The following HPSE2 variants were observed in gnomAD, a reference collection of about 807,000 sequenced individuals.
The protein encoded by HPSE2 is heparanase 2 (inactive), also known as inactive heparanase-2.
In HPSE2, 38 loss-of-function variants were observed where a neutral mutation model predicts 60.5. That is an observed-to-expected ratio of 0.63 (90% CI 0.48 to 0.82). HPSE2 has a LOEUF of 0.82. Among genes scored for constraint, HPSE2 ranks in the 40% least tolerant of loss-of-function variants. The pLI, the probability that HPSE2 is intolerant of heterozygous loss-of-function variation, is 0.00. For synonymous variants in HPSE2, 295 were observed against 293.2 expected, an observed-to-expected ratio of 1.01 and a Z score of -0.06; for missense variants, 713 against 740.4, an observed-to-expected ratio of 0.96 and a Z score of 0.43.
At chr10:98,514,715 T>G (rs190457826) in intron 9 of HPSE2, among the ~76,000 whole-genome samples, 380 of 15,524 alleles carry the variant, frequency 0.024, no homozygotes, top group Admixed American at 0.066. Context: ...TACTTTGTTT[T>G]TTTTTTTTTT....
intron 3 of HPSE2, among the ~76,000 whole-genome samples, chr10:98,749,066 T>G (rs1336501): frequency 0.15 from 22,138 of 151,850 alleles, 1,944 homozygotes; most frequent in Admixed American, 0.23. Context: ...AACCAGATTG[T>G]TTTTTTTAAA....
chr10:99,088,657 A>T (rs564138016), intron 3 of HPSE2, among the ~76,000 whole-genome samples: 1 of 152,232 alleles, frequency 6.6e-6, no homozygotes, highest in Non-Finnish European at 1.5e-5. Flanking sequence ...TTGCACTGCT[A>T]TAAACATGCA....
In HPSE2 at chr10:98,610,173, A is replaced by G. The variant is rs149527178; in HGVS notation, c.1320+4731T>C. Among the ~76,000 whole-genome samples the G allele has an allele frequency of 8.6e-4, 131 of 152,150 alleles. No individual in the cohort carries two copies. In the South Asian group the frequency reaches 0.012, roughly 14 times the overall value. Reference sequence around the variant, plus strand: ...GTGTTCTTGTATCAATCCAGCATCAATGGAACATGGGTTTGTAACTGGGTG... The same window carrying G: ...GTGTTCTTGTATCAATCCAGCATCAGTGGAACATGGGTTTGTAACTGGGTG... On this transcript the variant is annotated intron_variant, in intron 9 of 11. Transcript: ENST00000370552.
intron 3 of HPSE2, among the ~76,000 whole-genome samples, chr10:98,840,053 C>T (rs911138522): frequency 9.2e-5 from 14 of 152,272 alleles, no homozygotes; most frequent in Middle Eastern, 3.4e-3. Flanking sequence ...TAGAGAAATT[C>T]AGTGACTTGT....
Position 98,795,501 on chromosome 10 carries a change from C to G in HPSE2, c.611-51445G>C, listed in dbSNP as rs185992434. Among the ~76,000 whole-genome samples, 411 of 152,354 alleles carry G rather than the reference C, an allele frequency of 2.7e-3. 3 individuals carry two copies. Among genetic ancestry groups the G allele is most frequent in the South Asian group, 6.2e-4 (3 of 4,828 alleles). On this transcript the variant is annotated intron_variant, in intron 3 of 11. Coordinates refer to ENST00000370552, the MANE Select transcript of HPSE2 (RefSeq NM_021828.5). ...TGGACCAGACTAGCCAGAGGGAAAT[C>G]ACCTATCCTAGCAGTCAGAGCTTGA...
intron 3 of HPSE2, among the ~76,000 whole-genome samples, chr10:98,937,839 C>A (rs1274246375): frequency 7.0e-6 from 1 of 143,144 alleles, no homozygotes; most frequent in African/African-American, 2.9e-5. Flanking sequence ...AGGCACCCCC[C>A]AGTAGGGGCA....
At chr10:98,576,573 G>A (rs1417239073) in intron 9 of HPSE2, among the ~76,000 whole-genome samples, 1 of 152,056 alleles carries the variant, frequency 6.6e-6, no homozygotes, top group Non-Finnish European at 1.5e-5. Context: ...GGAGAGAAGA[G>A]GAAGCTCTGC....
At chr10:99,095,193 AAAAAAAAAAG>A (rs1843677757) in intron 3 of HPSE2, among the ~76,000 whole-genome samples, 1 of 148,884 alleles carries the variant, frequency 6.7e-6, no homozygotes, top group African/African-American at 2.5e-5. Context: ...CTTTTGGAAG[AAAAAAAAAAG>A]AAAAGAAAAG....
intron 3 of HPSE2, among the ~76,000 whole-genome samples, chr10:99,015,362 T>C (rs1438455488): frequency 6.6e-6 from 1 of 152,196 alleles, no homozygotes; most frequent in Non-Finnish European, 1.5e-5. Flanking sequence ...TAAAGACACA[T>C]GCACACGTAT....
chr10:99,021,278 T>C lies in HPSE2; in HGVS notation c.610+122960A>G, dbSNP rs546213685. Among the ~76,000 whole-genome samples, 10 of 152,284 alleles carry C rather than the reference T, an allele frequency of 6.6e-5. 1 individual carries two copies. In the South Asian group the frequency reaches 2.1e-3, roughly 32 times the overall value. ...AGCACTTAGTATGTAAGAGATACTA[T>C]GTGAAGGGTGTGAATGCATTATTAA... is the stretch of plus-strand genomic sequence containing the variant. On this transcript the variant is annotated intron_variant, in intron 3 of 11. Transcript: ENST00000370552.
intron 11 of HPSE2, among the ~76,000 whole-genome samples, chr10:98,466,024 C>G (rs182749098): frequency 6.6e-6 from 1 of 152,176 alleles, no homozygotes; most frequent in Admixed American, 6.5e-5. Context: ...CCTGGTCACT[C>G]CCCCGCTACC....
At chr10:98,913,419 T>C (rs1227859746) in intron 3 of HPSE2, among the ~76,000 whole-genome samples, 2 of 152,228 alleles carry the variant, frequency 1.3e-5, no homozygotes, top group African/African-American at 4.8e-5. Context: ...AAATCACTTA[T>C]AAACTATTTT....
chr10:98,482,654 T>C lies in HPSE2; in HGVS notation c.1595A>G (p.Gln532Arg). The change falls in exon 11 of 12, where the codon CAG (glutamine) becomes CGG (arginine). Residue 532 changes from glutamine to arginine, a missense_variant. Gln to Arg is a conservative substitution (Grantham distance 43). Coordinates refer to ENST00000370552, the MANE Select transcript of HPSE2 (RefSeq NM_021828.5). Reference sequence around the variant, plus strand: ...CACGTACTTGGACTTTAGGCCCTCCTGCCCATAGGGCTGCAGCAGGTACTG... The same window carrying C: ...CACGTACTTGGACTTTAGGCCCTCCCGCCCATAGGGCTGCAGCAGGTACTG... ...VHQYLLQPYG[Q>R]EGLKSKSVQL... The C allele has an allele frequency of 3.7e-6, 6 of 1,614,176 alleles. No individual in the cohort carries two copies. The highest frequency in any genetic ancestry group is 2.7e-5 in the African/African-American group (2 of 75,048).
Position 98,765,275 on chromosome 10 carries a change from T to C in HPSE2, c.611-21219A>G, listed in dbSNP as rs75811664. Reference sequence around the variant, plus strand: ...TATTCTGGGCCATAACTTAAGCAAATATAAAAGAACTCAAATCATACAAAG... The same window carrying C: ...TATTCTGGGCCATAACTTAAGCAAACATAAAAGAACTCAAATCATACAAAG... On this transcript the variant is annotated intron_variant, in intron 3 of 11. Coordinates refer to ENST00000370552, the MANE Select transcript of HPSE2 (RefSeq NM_021828.5). 2.0e-5 allele frequency among the ~76,000 whole-genome samples: 3 copies of C among 152,156 alleles called. No homozygotes were observed. In the East Asian group the frequency reaches 5.8e-4, roughly 29 times the overall value.
intron 9 of HPSE2, among the ~76,000 whole-genome samples, chr10:98,492,465 G>A (rs1941684808): frequency 7.1e-6 from 1 of 141,024 alleles, no homozygotes; most frequent in Non-Finnish European, 1.5e-5. Flanking sequence ...TTGCGCCACT[G>A]CACTCCAGCC....
At chr10:98,541,891 G>A (rs1943478304) in intron 9 of HPSE2, among the ~76,000 whole-genome samples, 2 of 152,172 alleles carry the variant, frequency 1.3e-5, no homozygotes, top group Admixed American at 1.3e-4. Flanking sequence ...CTGGGGGCAG[G>A]GCACAGACAA....
At chr10:99,000,456 A>G (rs372286496) in intron 3 of HPSE2, among the ~76,000 whole-genome samples, 16 of 152,288 alleles carry the variant, frequency 1.1e-4, no homozygotes, top group African/African-American at 3.6e-4. Context: ...CAAAATCACC[A>G]AGAAAAATTG....
chr10:98,512,181 T>C (rs1258303925), intron 9 of HPSE2, among the ~76,000 whole-genome samples: 1 of 152,238 alleles, frequency 6.6e-6, no homozygotes, highest in Non-Finnish European at 1.5e-5. Flanking sequence ...AAAGTTTTCA[T>C]GTGACTTAAG....
intron 3 of HPSE2, among the ~76,000 whole-genome samples, chr10:99,082,044 T>C (rs567943089): frequency 1.6e-4 from 24 of 152,282 alleles, no homozygotes; most frequent in East Asian, 9.7e-4. Context: ...TGTACCACGG[T>C]TAATCCTTCT....
Sources: gnomAD v4.1 joint callset for allele counts (sites outside exome capture counted in the v4.1 genomes callset) on GRCh38, gnomAD v4.1.1 for gene constraint, MANE v1.5 for transcripts, NCBI Gene and HGNC (gene_info 2026-07-23, HGNC 2026-07-21) for gene names.